ABCA8: variants seen among roughly 807,000 people sequenced by gnomAD.
ABCA8 encodes the protein ATP binding cassette subfamily A member 8.
In ABCA8, 177 loss-of-function variants were observed where a neutral mutation model predicts 192.3. That is an observed-to-expected ratio of 0.92 (90% CI 0.81 to 1.04). The LOEUF (loss-of-function observed/expected upper bound fraction) is 1.04. Among genes scored for constraint, ABCA8 ranks in the 50% least tolerant of loss-of-function variants. ABCA8 has a pLI of 0.00. For synonymous variants in ABCA8, 642 were observed against 690.2 expected (o/e 0.93, Z 1.09); for missense variants, 1,915 against 1,904.8 (o/e 1.01, Z -0.10).
intron 9 of ABCA8, 31 bp downstream of exon 9, chr17:68,929,018 G>A: frequency 3.6e-6 from 5 of 1,397,668 alleles, no homozygotes; most frequent in Non-Finnish European, 4.7e-6. Context: ...TTTCAGAAAT[G>A]CCATTAATAG....
At chr17:68,880,158 C>T (rs1228817222) in intron 32 of ABCA8, 1 of 152,326 alleles carries the variant, frequency 6.6e-6, no homozygotes, top group African/African-American at 2.4e-5. Flanking sequence ...TTCCTCCTTT[C>T]TGAGCCCATA....
At chr17:68,945,544 A>C (rs2068374995) in intron 2 of ABCA8, among the ~76,000 whole-genome samples, 1 of 152,168 alleles carries the variant, frequency 6.6e-6, no homozygotes, top group Non-Finnish European at 1.5e-5. Context: ...TCATAAATGC[A>C]CATTCCTTCA....
chr17:68,928,748 A>C (rs1205043062), intron 9 of ABCA8, among the ~76,000 whole-genome samples: 3 of 152,210 alleles, frequency 2.0e-5, no homozygotes, highest in African/African-American at 7.2e-5. Flanking sequence ...CATGAACTGG[A>C]ATAGTTATTT....
In ABCA8 at chr17:68,881,226, AC is replaced by A; in HGVS notation, c.3947-16del. The stretch of plus-strand genomic sequence containing the variant: ...TAAAACTTCACCTGAAAAAAAGGTT[AC>A]ACTTAATATTAATCTATTTTAATGG... On this transcript the variant is annotated splice_polypyrimidine_tract_variant and intron_variant, in intron 31 of 39. Transcript: ENST00000586539. 6.5e-7 allele frequency: 1 copy of A among 1,538,566 alleles called. No homozygotes were observed. The highest frequency in any genetic ancestry group is 2.2e-5 in the East Asian group (1 of 44,470).
At chr17:68,900,702 C>A (rs1196208937) in intron 21 of ABCA8, among the ~76,000 whole-genome samples, 1 of 151,906 alleles carries the variant, frequency 6.6e-6, no homozygotes, top group African/African-American at 2.4e-5. Context: ...CCTAGAAAAT[C>A]AAATCTGGGA....
chr17:68,875,768 A>T, intron 35 of ABCA8, 35 bp from the exon 36 acceptor site: 1 of 1,593,946 alleles, frequency 6.3e-7, no homozygotes, highest in Non-Finnish European at 8.5e-7. Context: ...AATTTAGGAA[A>T]TCCTCTAATT....
At position 68,887,922 on chromosome 17, in the gene ABCA8, ATAT is replaced by A. The variant is rs369763686; in HGVS notation, c.3145-419_3145-417del. On this transcript the variant is annotated intron_variant, in intron 24 of 39. Transcript: ENST00000586539. ...TATATATATATCCATATATATATAT[ATAT>A]TATATATGGATATATATATTATATA... 1.0e-4 allele frequency among the ~76,000 whole-genome samples: 10 copies of A among 95,776 alleles called. No individual in the cohort carries two copies. In the East Asian group the frequency reaches 1.8e-3, roughly 17 times the overall value. The allele number at this position is 95,776 out of a possible 152,430, so 62.8% of individuals were successfully genotyped here.
chr17:68,884,572 C>A, intron 27 of ABCA8, 176 bp from the exon 28 acceptor site: 5 of 1,306,882 alleles, frequency 3.8e-6, no homozygotes, highest in Non-Finnish European at 4.9e-6. Context: ...GGTCTATGAG[C>A]TTTTGTTTGA....
chr17:68,920,497 G>A (rs1037918679), intron 13 of ABCA8, among the ~76,000 whole-genome samples: 2 of 150,452 alleles, frequency 1.3e-5, no homozygotes, highest in Admixed American at 1.3e-4. Context: ...AGCAACTAAT[G>A]AGCATGAAAA....
rs768909279 is a variant in ABCA8, at chr17:68,932,496, C to A, written c.589G>T (p.Val197Leu). ...AIIEITTNHSVMEELMSVTGK... is the reference protein window; with the variant it reads ...AIIEITTNHSLMEELMSVTGK... The stretch of plus-strand genomic sequence containing the variant: ...GTAACTGACATCAGCTCCTCCATCA[C>A]TGAGTGATTTGTTGTGATCTGAAGA... Residue 197 changes from valine (V) to leucine (L), a missense_variant, in exon 7 of 40, where the codon GTG (valine) becomes TTG (leucine). By Grantham distance (32) the Val-to-Leu change is conservative (BLOSUM62 1). Coordinates refer to ENST00000586539, the MANE Select transcript of ABCA8 (RefSeq NM_001288985.2). 1 of 1,613,032 alleles carries A rather than the reference C, an allele frequency of 6.2e-7. No individual in the cohort carries two copies. Among genetic ancestry groups the A allele is most frequent in the African/African-American group, 1.3e-5 (1 of 74,912 alleles).
chr17:68,905,332 G>A (rs2067038111), intron 19 of ABCA8, among the ~76,000 whole-genome samples: 1 of 152,136 alleles, frequency 6.6e-6, no homozygotes, highest in East Asian at 1.9e-4. Flanking sequence ...CAGTCACACG[G>A]TCCACATGTT....
intron 39 of ABCA8, 35 bp downstream of exon 39, chr17:68,868,266 A>C (rs779293027): frequency 6.2e-7 from 1 of 1,608,734 alleles, no homozygotes; most frequent in Non-Finnish European, 8.5e-7. Context: ...ATACACATAT[A>C]CCATGGATGA....
At chr17:68,870,102 T>C (rs2066009650) in intron 37 of ABCA8, among the ~76,000 whole-genome samples, 1 of 152,162 alleles carries the variant, frequency 6.6e-6, no homozygotes, top group Admixed American at 6.5e-5. Context: ...CAGGAACAGA[T>C]AAAGCTATTC....
intron 37 of ABCA8, among the ~76,000 whole-genome samples, chr17:68,871,031 A>G (rs2066036816): frequency 6.6e-6 from 1 of 152,154 alleles, no homozygotes; most frequent in Non-Finnish European, 1.5e-5. Context: ...ATAGCCATCC[A>G]TCTTAGTCCA....
At chr17:68,917,309 A>C (rs1200431845) in intron 17 of ABCA8, 52 bp downstream of exon 17, 1 of 1,087,488 alleles carries the variant, frequency 9.2e-7, no homozygotes, top group Non-Finnish European at 1.4e-6. Context: ...GTTTTGCTTC[A>C]AGCATCAAGC....
At chr17:68,925,078 A>G (rs563801975) in intron 10 of ABCA8, among the ~76,000 whole-genome samples, 1 of 152,358 alleles carries the variant, frequency 6.6e-6, no homozygotes, top group East Asian at 1.9e-4. Flanking sequence ...GGAAGCAATG[A>G]AACTGTGATT....
chr17:68,903,623 T>C (rs2066975127), intron 19 of ABCA8, 124 bp from the exon 20 acceptor site: 2 of 781,176 alleles, frequency 2.6e-6, no homozygotes, highest in East Asian at 5.3e-5. Flanking sequence ...GTTTTGCTGG[T>C]TACTGCCTTA....
chr17:68,953,447 A>T (rs1447995722), intron 1 of ABCA8, among the ~76,000 whole-genome samples: 1 of 152,164 alleles, frequency 6.6e-6, no homozygotes, highest in South Asian at 2.1e-4. Flanking sequence ...TACTTTCTAG[A>T]GCCAAATCTC....
intron 21 of ABCA8, among the ~76,000 whole-genome samples, chr17:68,897,270 G>T (rs1032104229): frequency 3.9e-5 from 6 of 152,300 alleles, no homozygotes; most frequent in Middle Eastern, 3.4e-3. Flanking sequence ...TGCCATCTCA[G>T]GGGAATAATG....
Sources: gnomAD v4.1 joint callset for allele counts (sites outside exome capture counted in the v4.1 genomes callset) on GRCh38, gnomAD v4.1.1 for gene constraint, MANE v1.5 for transcripts, NCBI Gene and HGNC (gene_info 2026-07-23, HGNC 2026-07-21) for gene names.